NCOR2: variants seen among roughly 807,000 people sequenced by gnomAD.
NCOR2 encodes the protein nuclear receptor corepressor 2.
A neutral mutation model predicts 262.9 loss-of-function variants in NCOR2; 81 were observed. That is an observed-to-expected ratio of 0.31 (90% CI 0.26 to 0.37). NCOR2 has a LOEUF of 0.37. Among genes scored for constraint, NCOR2 ranks in the 10% least tolerant of loss-of-function variants. NCOR2 has a pLI of 1.00. For missense variants in NCOR2, 3,385 were observed against 3,621.4 expected, an observed-to-expected ratio of 0.93 and a Z score of 1.68; for synonymous variants, 1,659 against 1,559.3, an observed-to-expected ratio of 1.06 and a Z score of -1.51.
upstream of NCOR2, among the ~76,000 whole-genome samples, chr12:124,540,348 C>T (rs559787534): frequency 6.9e-6 from 1 of 144,350 alleles, no homozygotes; most frequent in South Asian, 2.3e-4. Flanking sequence ...ACAGCCTGTG[C>T]AAAGGCCCAG....
intron 1 of NCOR2, among the ~76,000 whole-genome samples, chr12:124,541,396 A>G (rs1205028273): frequency 7.7e-4 from 4 of 5,202 alleles, no homozygotes; most frequent in East Asian, 6.3e-3. Context: ...GAGCTGGAGG[A>G]GGATGGGGAG....
At chr12:124,480,574 C>A (rs541669449) in intron 3 of NCOR2, among the ~76,000 whole-genome samples, 1 of 152,070 alleles carries the variant, frequency 6.6e-6, no homozygotes, top group Admixed American at 6.5e-5. Flanking sequence ...CTGTGCACAT[C>A]CTCACCACCG....
At chr12:124,534,658 C>T (rs57123663) in intron 1 of NCOR2, among the ~76,000 whole-genome samples, 5,648 of 152,334 alleles carry the variant, frequency 0.037, 208 homozygotes, top group African/African-American at 0.095. Flanking sequence ...CTGCAATGCC[C>T]TCAGCGACCA....
chr12:124,424,856 G>A (rs1266058663), intron 11 of NCOR2, among the ~76,000 whole-genome samples: 2 of 152,122 alleles, frequency 1.3e-5, no homozygotes, highest in Non-Finnish European at 2.9e-5. Context: ...TCTTCCCTGC[G>A]TCCCCTCCTG....
chr12:124,425,426 AT>A (rs946186618), intron 11 of NCOR2, among the ~76,000 whole-genome samples: 26 of 149,626 alleles, frequency 1.7e-4, no homozygotes, highest in African/African-American at 1.2e-4. Flanking sequence ...TTTTTTTGTG[AT>A]TTTTTTTTTA....
At chr12:124,506,450 A>G (rs1257194715) in intron 1 of NCOR2, among the ~76,000 whole-genome samples, 2 of 151,902 alleles carry the variant, frequency 1.3e-5, no homozygotes, top group African/African-American at 4.8e-5. Context: ...GCCACGGCGA[A>G]GTATGCTCAA....
chr12:124,553,944 G>A (rs1025445830), intron 1 of NCOR2, among the ~76,000 whole-genome samples: 2 of 152,148 alleles, frequency 1.3e-5, no homozygotes, highest in African/African-American at 4.8e-5. Flanking sequence ...TGGGGGAGCT[G>A]GGGAACCAGA....
intron 40 of NCOR2, chr12:124,334,900 A>T: frequency 1.6e-6 from 1 of 643,310 alleles, no homozygotes; most frequent in South Asian, 1.9e-5. Context: ...GCCCGTGAAG[A>T]TGCCATCGGC....
Position 124,551,479 on chromosome 12 carries a change from G to A in NCOR2, c.-165+15829C>T, listed in dbSNP as rs541347503. Among the ~76,000 whole-genome samples, 35 of 152,304 alleles carry A rather than the reference G, an allele frequency of 2.3e-4. No homozygotes were observed. In the South Asian group the frequency reaches 5.2e-3, roughly 23 times the overall value. On this transcript the variant is annotated intron_variant, in intron 1 of 32. Coordinates refer to the NCOR2 transcript ENST00000458234. ...GGTGGCCTCCAGGAAGGGGGCTCCC[G>A]TGACTTGAAAGTCACCTGTCATTTT... is the stretch of plus-strand genomic sequence containing the variant.
chr12:124,565,286 C>T (rs1019192791), intron 1 of NCOR2, among the ~76,000 whole-genome samples: 2 of 152,240 alleles, frequency 1.3e-5, no homozygotes, highest in East Asian at 3.9e-4. Context: ...CAGACTCCCC[C>T]GGCACCCGCT....
intron 5 of NCOR2, among the ~76,000 whole-genome samples, chr12:124,464,363 G>T (rs1481485133): frequency 6.6e-6 from 1 of 152,196 alleles, no homozygotes; most frequent in East Asian, 1.9e-4. Flanking sequence ...CCGAGGATCA[G>T]AGAGGGCAGG....
upstream of NCOR2, among the ~76,000 whole-genome samples, chr12:124,540,430 G>A (rs1452040713): frequency 9.4e-6 from 1 of 105,998 alleles, no homozygotes; most frequent in African/African-American, 4.0e-5. Flanking sequence ...AACTGGAGAG[G>A]GTTGGGGAGT....
chr12:124,407,526 G>A (rs994994897), intron 13 of NCOR2, among the ~76,000 whole-genome samples: 12 of 152,174 alleles, frequency 7.9e-5, no homozygotes, highest in Admixed American at 5.9e-4. Flanking sequence ...TTCTCAAAAG[G>A]TGCAGGGGTC....
At chr12:124,354,934 C>A (rs769533262) in exon 25 of NCOR2, 7 of 1,613,058 alleles carry the variant, frequency 4.3e-6, no homozygotes, top group Non-Finnish European at 5.9e-6. Flanking sequence ...GCTGGACCGA[C>A]ATTCCCTGTA....
rs1463107455 is a variant in NCOR2, at chr12:124,483,584, G to A, written c.411+12C>T. 1.3e-6 allele frequency: 2 copies of A among 1,566,168 alleles called. No individual in the cohort carries two copies. The highest frequency in any genetic ancestry group is 1.7e-6 in the Non-Finnish European group (2 of 1,156,858). On this transcript the variant is annotated intron_variant, in intron 3 of 46. Transcript: ENST00000405201. The surrounding 1 kb of genome is among the most constrained non-coding windows in gnomAD (Gnocchi z 6.3). Reference sequence around the variant, plus strand: ...GCGGGAGAGGAGCTCCCAGCTGGGGGCCCAGGCTTACCTTGGTGAGGTCTT... The same window carrying A: ...GCGGGAGAGGAGCTCCCAGCTGGGGACCCAGGCTTACCTTGGTGAGGTCTT...
intron 22 of NCOR2, 146 bp downstream of exon 24, chr12:124,361,980 C>G (rs143942038): frequency 1.4e-6 from 1 of 708,836 alleles, no homozygotes; most frequent in African/African-American, 1.8e-5. Context: ...AACTGCCTCC[C>G]CCTGCTCAAC....
At chr12:124,353,975 C>A in intron 27 of NCOR2, 118 bp downstream of exon 29, 1 of 889,348 alleles carries the variant, frequency 1.1e-6, no homozygotes. Context: ...GAACTGCTGT[C>A]CCCCAGTCAT....
At position 124,457,703 on chromosome 12, in the gene NCOR2, G is replaced by A. The variant is rs928554439; in HGVS notation, c.706-541C>T. ...TTCTGGGCTGCCCCGGGGCCTCCCC[G>A]CCTCCTCCCCACTCACAACTGGGGA... is the stretch of plus-strand genomic sequence containing the variant. On this transcript the variant is annotated intron_variant, in intron 5 of 46. Transcript: ENST00000405201. The surrounding 1 kb of genome is among the most constrained non-coding windows in gnomAD (Gnocchi z 4.0). Among the ~76,000 whole-genome samples, 1 of 152,166 alleles carries A rather than the reference G, an allele frequency of 6.6e-6. No individual in the cohort carries two copies. Among genetic ancestry groups the A allele is most frequent in the African/African-American group, 2.4e-5 (1 of 41,442 alleles).
chr12:124,547,047 T>G (rs1282973845), intron 1 of NCOR2, among the ~76,000 whole-genome samples: 1 of 152,154 alleles, frequency 6.6e-6, no homozygotes, highest in East Asian at 1.9e-4. Flanking sequence ...TGGAGTGCAA[T>G]GGTGCAATCT....
Sources: gnomAD v4.1 joint callset for allele counts (sites outside exome capture counted in the v4.1 genomes callset) on GRCh38, gnomAD v4.1.1 for gene constraint, Gnocchi (gnomAD v3.1) non-coding constraint, MANE v1.5 for transcripts, NCBI Gene and HGNC (gene_info 2026-07-23, HGNC 2026-07-21) for gene names.